The following TM6SF1 variants were observed in gnomAD, a reference collection of about 807,000 sequenced individuals.
TM6SF1 encodes transmembrane 6 superfamily member 1.
A neutral mutation model predicts 47.1 loss-of-function variants in TM6SF1; 43 were observed. That is an observed-to-expected ratio of 0.91 (90% CI 0.72 to 1.18). The LOEUF is 1.18. TM6SF1 is among the 50% of genes most tolerant of loss of function. The pLI is 0.00. For synonymous variants in TM6SF1, 177 were observed against 166.3 expected, an observed-to-expected ratio of 1.06 and a Z score of -0.49; for missense variants, 390 against 449.0, an observed-to-expected ratio of 0.87 and a Z score of 1.19.
chr15:83,112,813 G>A lies in TM6SF1; in HGVS notation c.109G>A (p.Gly37Arg), dbSNP rs750080118. 2.5e-6 allele frequency: 4 copies of A among 1,613,900 alleles called. No homozygotes were observed. The African/African-American group carries it at 5.3e-5, about 22-fold the overall frequency. The change falls in exon 2 of 10, where the codon GGG becomes AGG. Residue 37 changes from glycine (G) to arginine (R), a missense_variant. Transcript: ENST00000322019. The stretch of plus-strand genomic sequence containing the variant: ...TCGTTGCAGTTCCTGGACTATTGTA[G>A]GGGTTGCTGCCCTCATCCTGTTCCT... The part of the protein sequence containing the change: ...AAQHDSWTIV[G>R]VAALILFLVA...
At chr15:83,109,123 T>C (rs2033921886) in intron 1 of TM6SF1, among the ~76,000 whole-genome samples, 2 of 152,170 alleles carry the variant, frequency 1.3e-5, no homozygotes, top group African/African-American at 4.8e-5. Context: ...CAACAAACAT[T>C]AATACATCGA....
In TM6SF1 at chr15:83,136,616, T is replaced by C; in HGVS notation, c.1057T>C (p.Cys353Arg). 1 of 1,612,190 alleles carries C rather than the reference T, an allele frequency of 6.2e-7. No homozygotes were observed. Among genetic ancestry groups the C allele is most frequent in the Non-Finnish European group, 8.5e-7 (1 of 1,179,440 alleles). The change falls in exon 10 of 10, where the codon TGT (cysteine) becomes CGT (arginine). Residue 353 changes from cysteine (C) to arginine (R), a missense_variant. Physicochemically the swap from Cys to Arg is radical, Grantham distance 180 (BLOSUM62 -3). Transcript: ENST00000322019. ...TCTTCCTCAGCTCTTGGCCTATCGT[T>C]GTATCTACAAACCAGAGTTCTTCAT... is the stretch of plus-strand genomic sequence containing the variant. Reference protein sequence around the residue: ...GVLPQLLAYRCIYKPEFFIKT... With the variant: ...GVLPQLLAYRRIYKPEFFIKT...
chr15:83,128,883 T>G (rs1182995550), intron 9 of TM6SF1: 1 of 152,062 alleles, frequency 6.6e-6, no homozygotes, highest in East Asian at 1.9e-4. Flanking sequence ...CAGGCTGGAG[T>G]GTGATGGCAC....
At chr15:83,130,673 A>G (rs2036168832) in intron 9 of TM6SF1, 1 of 152,260 alleles carries the variant, frequency 6.6e-6, no homozygotes, top group Non-Finnish European at 1.5e-5. Context: ...GTTAGAAGCC[A>G]TGCCGCAACA....
chr15:83,113,107 C>T (rs71412295), intron 2 of TM6SF1: 12 of 582,522 alleles, frequency 2.1e-5, no homozygotes, highest in Admixed American at 3.0e-5. Context: ...GGTGGCATCC[C>T]GGTGGAGAGT....
rs1024227837 is a variant in TM6SF1 at position 83,124,656 on chromosome 15, A to C, written c.604-16A>C. On this transcript the variant is annotated splice_polypyrimidine_tract_variant and intron_variant, in intron 6 of 9. Transcript: ENST00000322019. Reference sequence around the variant, plus strand: ...GGCACTTTGGGCCTGCTCTTTAGGTACAAACTCTATTTTAGGTTATTCAAG... The same window carrying C: ...GGCACTTTGGGCCTGCTCTTTAGGTCCAAACTCTATTTTAGGTTATTCAAG... 2 of 1,608,514 alleles carry C rather than the reference A, an allele frequency of 1.2e-6. No homozygotes were observed. Among genetic ancestry groups the C allele is most frequent in the African/African-American group, 2.7e-5 (2 of 74,798 alleles).
chr15:83,122,093 C>A, intron 5 of TM6SF1, 90 bp downstream of exon 5: 1 of 984,242 alleles, frequency 1.0e-6, no homozygotes, highest in Non-Finnish European at 1.6e-6. Flanking sequence ...TATAATAGAA[C>A]CAAGTGATTC....
intron 1 of TM6SF1, among the ~76,000 whole-genome samples, chr15:83,112,184 G>T (rs2034251935): frequency 6.6e-6 from 1 of 152,138 alleles, no homozygotes; most frequent in East Asian, 1.9e-4. Flanking sequence ...GTTGGATGCT[G>T]GTCTGTTGGC....
chr15:83,119,297 C>T (rs1259315412), intron 3 of TM6SF1, among the ~76,000 whole-genome samples: 5 of 152,258 alleles, frequency 3.3e-5, no homozygotes, highest in African/African-American at 1.2e-4. Flanking sequence ...GATTGCCTAT[C>T]ATGCCATCTG....
chr15:83,136,569 C>T lies in TM6SF1; in HGVS notation c.1010C>T (p.Ala337Val), dbSNP rs762661524. 1.9e-6 allele frequency: 3 copies of T among 1,613,400 alleles called. No individual in the cohort carries two copies. Among genetic ancestry groups the T allele is most frequent in the African/African-American group, 2.7e-5 (2 of 74,838 alleles). Residue 337 changes from alanine (A) to valine (V), a missense_variant, in exon 10 of 10, where the codon GCA becomes GTA. Transcript: ENST00000322019. ...GAAGAAGCAAAAATCCTTTTTTTAG[C>T]ATTAAACATAGCATATGGAGTTCTT... ...VPEEAKILFL[A>V]LNIAYGVLPQ...
In TM6SF1 at chr15:83,124,786, A is replaced by C; in HGVS notation, c.708+10A>C. The C allele has an allele frequency of 3.1e-6, 5 of 1,594,712 alleles. No individual in the cohort carries two copies. The highest frequency in any genetic ancestry group is 4.3e-6 in the Non-Finnish European group (5 of 1,162,554). ...CCTGTTCAGAGGTTTGGTAAGCATA[A>C]CAGATCATAATAACGTAACATTGTG... is the stretch of plus-strand genomic sequence containing the variant. On this transcript the variant is annotated intron_variant, in intron 7 of 9. Transcript: ENST00000322019.
In TM6SF1 at chr15:83,122,819, G is replaced by T. The variant is rs146100465; in HGVS notation, c.544G>T (p.Val182Phe). The change falls in exon 6 of 10, where the codon GTC becomes TTC. Residue 182 changes from valine to phenylalanine, a missense_variant. Coordinates refer to ENST00000322019, the MANE Select transcript of TM6SF1 (RefSeq NM_023003.5). ...AAGCATACCATATACTTGTCTTCCT[G>T]TCTGGGCTGGTTTCAGAATCTATAA... ...FLSIPYTCLP[V>F]WAGFRIYNQP... 1 of 1,613,994 alleles carries T rather than the reference G, an allele frequency of 6.2e-7. No individual in the cohort carries two copies. Among genetic ancestry groups the T allele is most frequent in the Non-Finnish European group, 8.5e-7 (1 of 1,179,970 alleles).
Position 83,126,781 on chromosome 15 carries a change from C to T in TM6SF1, c.735C>T (p.Leu245=). The T allele has an allele frequency of 6.2e-7, 1 of 1,613,838 alleles. No individual in the cohort carries two copies. The highest frequency in any genetic ancestry group is 2.2e-5 in the East Asian group (1 of 44,860). The change falls in exon 8 of 10, where the codon CTC becomes CTT. Residue 245 remains leucine (L), a synonymous_variant. Coordinates refer to ENST00000322019, the MANE Select transcript of TM6SF1 (RefSeq NM_023003.5). ...TTGCTTTGGATTGCCCATCTGAGCTCTGCCGATTATATACGCAATTTCAAG... is the reference window on the plus strand; with the variant it reads ...TTGCTTTGGATTGCCCATCTGAGCTTTGCCGATTATATACGCAATTTCAAG... ...GLIALDCPSE[L]CRLYTQFQEP...
chr15:83,119,272 T>C (rs905238136), intron 3 of TM6SF1, among the ~76,000 whole-genome samples: 26 of 152,208 alleles, frequency 1.7e-4, no homozygotes, highest in African/African-American at 4.8e-4. Context: ...CTCCATGAGT[T>C]TGCCATACAG....
At chr15:83,124,862 T>A in intron 7 of TM6SF1, 86 bp downstream of exon 7, 1 of 1,234,362 alleles carries the variant, frequency 8.1e-7, no homozygotes, top group South Asian at 1.3e-5. Flanking sequence ...TGTTTTTGTT[T>A]TTCCATCAGA....
chr15:83,131,161 G>A (rs2036215860), intron 9 of TM6SF1: 1 of 152,000 alleles, frequency 6.6e-6, no homozygotes, highest in Non-Finnish European at 1.5e-5. Flanking sequence ...CAGCATCTTT[G>A]CTTGCTAAAA....
intron 6 of TM6SF1, among the ~76,000 whole-genome samples, chr15:83,124,387 T>A (rs1227479594): frequency 3.3e-5 from 5 of 152,190 alleles, no homozygotes; most frequent in Non-Finnish European, 5.9e-5. Context: ...GGTTTACCTT[T>A]AAAATTTATT....
intron 1 of TM6SF1, among the ~76,000 whole-genome samples, chr15:83,111,871 A>G (rs2151334548): frequency 6.6e-6 from 1 of 152,284 alleles, no homozygotes; most frequent in Middle Eastern, 3.4e-3. Flanking sequence ...CCAGTCTCCT[A>G]GGGCCTGCAA....
chr15:83,109,215 C>T (rs1596461121), intron 1 of TM6SF1, among the ~76,000 whole-genome samples: 1 of 152,230 alleles, frequency 6.6e-6, no homozygotes, highest in East Asian at 1.9e-4. Flanking sequence ...GAGGAGGTAA[C>T]ACTTGAGCTA....
Sources: allele counts gnomAD v4.1 joint callset (sites outside exome capture counted in the v4.1 genomes callset), GRCh38; gene constraint gnomAD v4.1.1; transcripts MANE v1.5; gene names NCBI Gene and HGNC (gene_info 2026-07-23, HGNC 2026-07-21).